COG6: variants seen among roughly 807,000 people sequenced by gnomAD.
COG6 encodes the protein conserved oligomeric Golgi complex subunit 6.
COG6 carries 74 observed loss-of-function variants against 88.8 expected under a neutral mutation model. The observed-to-expected ratio is 0.83, with a 90% confidence interval of 0.69 to 1.01. The LOEUF (loss-of-function observed/expected upper bound fraction) is 1.01. Ranked by LOEUF, COG6 falls within the 50% of genes least tolerant of loss-of-function variation. COG6 has a pLI of 0.00. For missense variants in COG6, 800 were observed against 797.9 expected, an observed-to-expected ratio of 1.00 and a Z score of -0.03; for synonymous variants, 286 against 278.7, an observed-to-expected ratio of 1.03 and a Z score of -0.26.
At position 39,655,710 on chromosome 13, in the gene COG6, G is replaced by A. The variant is rs756107979; in HGVS notation, c.-17G>A. ...TGCCTGGCTGAGGTGGCAGCAGGGG[G>A]CGGGACGCGCAGCGCTATGGCAGAG... On this transcript the variant is annotated 5_prime_UTR_variant, in exon 1 of 19. Transcript: ENST00000455146. 6.3e-7 allele frequency: 1 copy of A among 1,584,474 alleles called. No individual in the cohort carries two copies. Among genetic ancestry groups the A allele is most frequent in the Non-Finnish European group, 8.6e-7 (1 of 1,164,388 alleles).
Position 39,665,081 on chromosome 13 carries a change from T to G in COG6, c.370-15T>G. On this transcript the variant is annotated splice_polypyrimidine_tract_variant and intron_variant, in intron 3 of 18. Transcript: ENST00000455146. Reference sequence around the variant, plus strand: ...AATTGGAATTTACTTATATTAGATATGTTTATAATTTTAGGCAGCAAAGGA... The same window carrying G: ...AATTGGAATTTACTTATATTAGATAGGTTTATAATTTTAGGCAGCAAAGGA... The G allele has an allele frequency of 1.7e-6, 2 of 1,189,494 alleles. No homozygotes were observed. The highest frequency in any genetic ancestry group is 2.5e-6 in the Non-Finnish European group (2 of 794,968). The allele number at this position is 1,189,494 out of a possible 1,614,324, so 73.7% of individuals were successfully genotyped here. A position where few individuals can be genotyped will look rare whatever the true frequency, so the allele number is the denominator to read the frequency against.
Position 39,752,566 on chromosome 13 carries a change from GT to G in COG6, c.*1477del. ...TACCTTGCTATGAGTGAATTCCTTTGTTTTATAGGGAAAATTTATTGTGCTT... is the reference window on the plus strand; with the variant it reads ...TACCTTGCTATGAGTGAATTCCTTTGTTTATAGGGAAAATTTATTGTGCTT... On this transcript the variant is annotated 3_prime_UTR_variant, in exon 19 of 19. Transcript: ENST00000455146. 1.6e-6 allele frequency: 2 copies of G among 1,255,350 alleles called. No homozygotes were observed. The highest frequency in any genetic ancestry group is 1.3e-5 in the South Asian group (1 of 77,366). 77.8% of individuals were successfully genotyped at this position (1,255,350 alleles called of 1,614,324 possible).
intron 18 of COG6, among the ~76,000 whole-genome samples, chr13:39,733,603 T>TC (rs1037798234): frequency 3.9e-5 from 6 of 152,092 alleles, no homozygotes; most frequent in Admixed American, 3.9e-4. Context: ...CTGTTTTTTT[T>TC]TTTCTTAATC....
chr13:39,716,912 CTT>C (rs1406088133), intron 13 of COG6, among the ~76,000 whole-genome samples: 1 of 152,086 alleles, frequency 6.6e-6, no homozygotes, highest in Non-Finnish European at 1.5e-5. Context: ...TTAAAACTGT[CTT>C]TTATAGTTAT....
chr13:39,656,149 A>G (rs1161553167), intron 1 of COG6: 1 of 620,596 alleles, frequency 1.6e-6, no homozygotes, highest in Non-Finnish European at 3.0e-6. Flanking sequence ...GGGATTGGTG[A>G]ACGGTGGTGC....
At chr13:39,740,065 A>C (rs2138121191) in intron 18 of COG6, among the ~76,000 whole-genome samples, 1 of 152,342 alleles carries the variant, frequency 6.6e-6, no homozygotes, top group Non-Finnish European at 1.5e-5. Context: ...AAATTATATA[A>C]TGAAACTTAT....
chr13:39,741,570 A>G (rs1880044609), intron 18 of COG6, among the ~76,000 whole-genome samples: 1 of 152,168 alleles, frequency 6.6e-6, no homozygotes. Flanking sequence ...AGTAAAAAGA[A>G]ACAAACAAAG....
intron 18 of COG6, among the ~76,000 whole-genome samples, chr13:39,777,402 G>T (rs374165769): frequency 6.6e-6 from 1 of 152,258 alleles, no homozygotes; most frequent in African/African-American, 2.4e-5. Flanking sequence ...AGGTTAGAAG[G>T]GGGTGTGGAG....
intron 13 of COG6, among the ~76,000 whole-genome samples, chr13:39,718,643 G>T (rs930786813): frequency 2.6e-5 from 4 of 152,036 alleles, no homozygotes; most frequent in African/African-American, 9.7e-5. Flanking sequence ...ATAGATCCAA[G>T]ATTTGAACTT....
At chr13:39,748,187 GTATGT>G (rs772254867) in intron 18 of COG6, among the ~76,000 whole-genome samples, 36 of 152,238 alleles carry the variant, frequency 2.4e-4, no homozygotes, top group Non-Finnish European at 4.7e-4. Context: ...GATATCAAAT[GTATGT>G]TATATCTAAC....
chr13:39,762,708 C>T (rs558532259), intron 18 of COG6, among the ~76,000 whole-genome samples: 14 of 149,680 alleles, frequency 9.4e-5, no homozygotes, highest in African/African-American at 2.9e-4. Context: ...TATTATTTTC[C>T]GTGATTTTTC....
At chr13:39,696,942 C>G (rs1381049407) in intron 12 of COG6, among the ~76,000 whole-genome samples, 1 of 146,770 alleles carries the variant, frequency 6.8e-6, no homozygotes, top group East Asian at 2.0e-4. Flanking sequence ...TATGTCACAG[C>G]CAATAGGACA....
At chr13:39,708,618 T>G (rs1878071049) in intron 13 of COG6, among the ~76,000 whole-genome samples, 1 of 152,120 alleles carries the variant, frequency 6.6e-6, no homozygotes, top group South Asian at 2.1e-4. Context: ...AATTACTTTA[T>G]TTTCCTTGCT....
Position 39,751,049 on chromosome 13 carries a change from A to G in COG6, c.1930A>G (p.Ile644Val). The G allele has an allele frequency of 6.2e-7, 1 of 1,613,754 alleles. No individual in the cohort carries two copies. The highest frequency in any genetic ancestry group is 8.5e-7 in the Non-Finnish European group (1 of 1,179,796). Residue 644 changes from isoleucine (I) to valine (V), a missense_variant, in exon 19 of 19, where the codon ATT becomes GTT. Physicochemically the swap from Ile to Val is conservative, Grantham distance 29 (BLOSUM62 3). Coordinates refer to ENST00000455146, the MANE Select transcript of COG6 (RefSeq NM_020751.3). ...PINEYKDPEN[I>V]LHRSPQQVQT... ...CAATGAATACAAAGATCCAGAGAAC[A>G]TTCTTCACCGATCGCCGCAGCAAGT...
intron 18 of COG6, among the ~76,000 whole-genome samples, chr13:39,730,773 C>CAAAAAAAAAAAAAAACAAAAAA (rs1879396026): frequency 2.5e-5 from 1 of 39,472 alleles, no homozygotes; most frequent in Non-Finnish European, 4.5e-5. Context: ...GACTCCATCT[C>CAAAAAAAAAAAAAAACAAAAAA]AAAAAAAAAA....
intron 18 of COG6, among the ~76,000 whole-genome samples, chr13:39,742,373 GAC>G (rs1880091867): frequency 6.6e-6 from 1 of 152,054 alleles, no homozygotes; most frequent in Non-Finnish European, 1.5e-5. Flanking sequence ...CACATGCAGA[GAC>G]ACACATAGGC....
chr13:39,674,933 A>G (rs1462600774), intron 4 of COG6, among the ~76,000 whole-genome samples: 9 of 152,128 alleles, frequency 5.9e-5, no homozygotes, highest in Non-Finnish European at 1.2e-4. Flanking sequence ...AGGGGGGACC[A>G]TTGTAATTAC....
Position 39,719,758 on chromosome 13 carries a change from A to G in COG6, c.1515A>G (p.Leu505=), listed in dbSNP as rs1278120385. 5 of 1,612,248 alleles carry G rather than the reference A, an allele frequency of 3.1e-6. No individual in the cohort carries two copies. Among genetic ancestry groups the G allele is most frequent in the Middle Eastern group, 1.6e-4 (1 of 6,076 alleles). Residue 505 remains leucine (L), a synonymous_variant, in exon 15 of 19, where the codon CTA becomes CTG. Transcript: ENST00000455146. ...ADMATFMVNS[L]YMMKTTLALF... ...TGGCCACTTTCATGGTCAATTCACT[A>G]TATATGATGAAGACAACATTAGCTC...
rs185340026 is a variant in COG6, at chr13:39,763,447, C to T, written c.1827-24888C>T. Among the ~76,000 whole-genome samples the T allele has an allele frequency of 1.5e-4, 23 of 151,774 alleles. No homozygotes were observed. In the East Asian group the frequency reaches 2.1e-3, roughly 14 times the overall value. The stretch of plus-strand genomic sequence containing the variant: ...AATGTGGGGAAGGAGAGGAAGCTTT[C>T]AATTGTTAGATAGGTATTTTGTAGA... On this transcript the variant is annotated intron_variant, in intron 18 of 18. Coordinates refer to the COG6 transcript ENST00000416691.
Sources: gnomAD v4.1 joint callset for allele counts (sites outside exome capture counted in the v4.1 genomes callset) on GRCh38, gnomAD v4.1.1 for gene constraint, MANE v1.5 for transcripts, NCBI Gene and HGNC (gene_info 2026-07-23, HGNC 2026-07-21) for gene names.